Variants in GAL3ST3 observed in about 807,000 individuals in gnomAD.
GAL3ST3 encodes the protein beta-galactose-3-O-sulfotransferase 3.
Under a neutral mutation model 20.8 loss-of-function variants are expected in GAL3ST3, and 21 were observed. The observed-to-expected ratio is 1.01, with a 90% CI of 0.72 to 1.45. GAL3ST3 has a LOEUF of 1.45. GAL3ST3 is among the 40% of genes most tolerant of loss of function. The pLI is 0.00. For missense variants in GAL3ST3, 739 were observed against 662.7 expected, an observed-to-expected ratio of 1.12 and a Z score of -1.26; for synonymous variants, 355 against 307.2, an observed-to-expected ratio of 1.16 and a Z score of -1.63.
intron 2 of GAL3ST3, among the ~76,000 whole-genome samples, chr11:66,044,587 C>G (rs969360151): frequency 1.3e-5 from 2 of 152,202 alleles, no homozygotes; most frequent in African/African-American, 2.4e-5. Context: ...CTTGAGGCTT[C>G]TAAAGCCTCA....
In GAL3ST3 at chr11:66,042,869, C is replaced by A; in HGVS notation, c.934G>T (p.Ala312Ser). The A allele has an allele frequency of 8.6e-7, 1 of 1,168,784 alleles. No individual in the cohort carries two copies. Among genetic ancestry groups the A allele is most frequent in the Non-Finnish European group, 1.1e-6 (1 of 941,878 alleles). 72.4% of individuals were successfully genotyped at this position (1,168,784 alleles called of 1,614,324 possible). Residue 312 changes from alanine to serine, a missense_variant, in exon 3 of 3, where the codon GCG becomes TCG. Ala to Ser is a moderately conservative substitution (Grantham distance 99). Coordinates refer to ENST00000312006, the MANE Select transcript of GAL3ST3 (RefSeq NM_033036.3). ...TCGCGCTCCACGCACGCGCGGCCCG[C>A]GCGCGCCACGTGGCGCCAGAAGGTG... is the stretch of plus-strand genomic sequence containing the variant. ...NATFWRHVAR[A>S]GRACVEREAR...
Position 66,042,642 on chromosome 11 carries a change from G to C in GAL3ST3, c.1161C>G (p.Pro387=). Residue 387 remains proline (P), a synonymous_variant, in exon 3 of 3, where the codon CCC becomes CCG. Transcript: ENST00000312006. ...ACAGGTAGTTCGAGTACTGGACCTC[G>C]GGCATGGCCAGCTTGAGGCAGGCCT... ...ATEACLKLAM[P]EVQYSNYLLR... is the part of the protein sequence containing the mutation. The C allele has an allele frequency of 2.0e-6, 3 of 1,535,870 alleles. No individual in the cohort carries two copies. The highest frequency in any genetic ancestry group is 2.6e-6 in the Non-Finnish European group (3 of 1,146,698).
intron 2 of GAL3ST3, 58 bp downstream of exon 2, chr11:66,045,233 T>TA: frequency 7.0e-7 from 1 of 1,421,736 alleles, no homozygotes; most frequent in Non-Finnish European, 9.3e-7. Context: ...AGGACCCTTC[T>TA]AGCAGGTGGA....
chr11:66,041,989 C>G lies in GAL3ST3; in HGVS notation c.*518G>C, dbSNP rs1049378915. On this transcript the variant is annotated 3_prime_UTR_variant, in exon 3 of 3. Coordinates refer to ENST00000312006, the MANE Select transcript of GAL3ST3 (RefSeq NM_033036.3). ...ATGTTTTATTAAAAAAAAGAAAAAC[C>G]AACCAAACAAAAATCCCAACCCAAG... 2 of 152,714 alleles carry G rather than the reference C, an allele frequency of 1.3e-5. No homozygotes were observed. The highest frequency in any genetic ancestry group is 2.9e-5 in the Non-Finnish European group (2 of 68,200). The allele number at this position is 152,714 out of a possible 1,614,324, so 9.5% of individuals were successfully genotyped here.
intron 1 of GAL3ST3, among the ~76,000 whole-genome samples, chr11:66,047,698 A>AG (rs1856796170): frequency 6.6e-6 from 1 of 152,196 alleles, no homozygotes; most frequent in Non-Finnish European, 1.5e-5. Context: ...AGCAACTTAC[A>AG]GCTTGTTCAG....
chr11:66,048,720 C>T (rs1170464557), intron 1 of GAL3ST3, among the ~76,000 whole-genome samples: 1 of 149,974 alleles, frequency 6.7e-6, no homozygotes, highest in Non-Finnish European at 1.5e-5. Flanking sequence ...CTTGGAATTC[C>T]CTCCATCCTC....
chr11:66,046,179 A>G (rs998312518), intron 1 of GAL3ST3, among the ~76,000 whole-genome samples: 11 of 152,212 alleles, frequency 7.2e-5, no homozygotes, highest in African/African-American at 2.7e-4. Flanking sequence ...AGCTGGTAAC[A>G]GTAGAAATGA....
Position 66,042,204 on chromosome 11 carries a change from C to G in GAL3ST3, c.*303G>C, listed in dbSNP as rs1856711903. The G allele has an allele frequency of 3.3e-6, 1 of 306,538 alleles. No individual in the cohort carries two copies. The highest frequency in any genetic ancestry group is 6.0e-6 in the Non-Finnish European group (1 of 167,476). The allele number at this position is 306,538 out of a possible 1,614,324, so 19.0% of individuals were successfully genotyped here. A position where few individuals can be genotyped will look rare whatever the true frequency, so the allele number is the denominator to read the frequency against. ...AAGACAGGTTGTGGGGGCTCAGCCC[C>G]CAGAAAAAGGCAGGGTGAGCAGTTC... On this transcript the variant is annotated 3_prime_UTR_variant, in exon 3 of 3. Transcript: ENST00000312006.
chr11:66,044,552 T>G (rs956965563), intron 2 of GAL3ST3, among the ~76,000 whole-genome samples: 10 of 152,250 alleles, frequency 6.6e-5, no homozygotes, highest in African/African-American at 2.2e-4. Flanking sequence ...CACTGGGCTT[T>G]GCAGCAACCC....
rs200909357 is a variant in GAL3ST3 at position 66,042,596 on chromosome 11, C to T, written c.1207G>A (p.Gly403Ser). 8 of 1,536,806 alleles carry T rather than the reference C, an allele frequency of 5.2e-6. No homozygotes were observed. In the East Asian group the frequency reaches 1.2e-4, roughly 23 times the overall value. ...NYLLRKQKRR[G>S]GARARPEPVL... Reference sequence around the variant, plus strand: ...GGCTCGGGCCGAGCCCGCGCACCGCCCCGGCGCTTCTGCTTGCGCAACAGG... The same window carrying T: ...GGCTCGGGCCGAGCCCGCGCACCGCTCCGGCGCTTCTGCTTGCGCAACAGG... Residue 403 changes from glycine (G) to serine (S), a missense_variant, in exon 3 of 3, where the codon GGC becomes AGC. Gly to Ser is a moderately conservative substitution (Grantham distance 56, BLOSUM62 0). Transcript: ENST00000312006.
rs1484117765 is a variant in GAL3ST3, at chr11:66,042,940, C to CGCGCCGCCCGCGCCA, written c.848_862dup (p.Leu283_Ala287dup). On this transcript the variant is annotated inframe_insertion, in exon 3 of 3. Transcript: ENST00000312006. ...GCCGGCGTCCAGGGCGTTCCAGGTG[C>CGCGCCGCCCGCGCCA]GCGCCGCCCGCGCCAGCGCCGCGGG... 4.9e-6 allele frequency: 6 copies of CGCGCCGCCCGCGCCA among 1,235,800 alleles called. No individual in the cohort carries two copies. Among genetic ancestry groups the CGCGCCGCCCGCGCCA allele is most frequent in the Non-Finnish European group, 6.1e-6 (6 of 982,826 alleles). 76.6% of individuals were successfully genotyped at this position (1,235,800 alleles called of 1,614,324 possible).
In GAL3ST3 at chr11:66,042,242, A is replaced by G; in HGVS notation, c.*265T>C. ...GGGTGAGCAGTTCTGGACAGCCCTC[A>G]GGCCTCTTGTCAAAATCACCAACCA... On this transcript the variant is annotated 3_prime_UTR_variant, in exon 3 of 3. Coordinates refer to ENST00000312006, the MANE Select transcript of GAL3ST3 (RefSeq NM_033036.3). 2.2e-6 allele frequency: 1 copy of G among 447,576 alleles called. No individual in the cohort carries two copies. The allele number at this position is 447,576 out of a possible 1,614,324, so 27.7% of individuals were successfully genotyped here. A position where few individuals can be genotyped will look rare whatever the true frequency, so the allele number is the denominator to read the frequency against.
rs1409514769 is a variant in GAL3ST3 at position 66,042,828 on chromosome 11, G to A, written c.975C>T (p.Arg325=). The A allele has an allele frequency of 2.2e-5, 30 of 1,369,926 alleles. No individual in the cohort carries two copies. Among genetic ancestry groups the A allele is most frequent in the African/African-American group, 4.7e-5 (3 of 63,870 alleles). 84.9% of individuals were successfully genotyped at this position (1,369,926 alleles called of 1,614,324 possible). A position where few individuals can be genotyped will look rare whatever the true frequency, so the allele number is the denominator to read the frequency against. ...GCCGCAGTAGGCGCTGGCGGGCCTC[G>A]CGCAGCTCGCGCGCCTCGCGCTCCA... ...ACVEREAREL[R]EARQRLLRRC... is the part of the protein sequence containing the mutation. The change falls in exon 3 of 3, where the codon CGC becomes CGT. Residue 325 remains arginine, a synonymous_variant. Transcript: ENST00000312006.
Position 66,043,183 on chromosome 11 carries a change from T to C in GAL3ST3, c.620A>G (p.Tyr207Cys), listed in dbSNP as rs2135019102. Residue 207 changes from tyrosine (Y) to cysteine (C), a missense_variant, in exon 3 of 3, where the codon TAC (tyrosine) becomes TGC (cysteine). By Grantham distance (194) the Tyr-to-Cys change is radical. Coordinates refer to ENST00000312006, the MANE Select transcript of GAL3ST3 (RefSeq NM_033036.3). ...GCGCTCATTGTCGCCGCCCAGGTCGTAGGCCAGCGTGTTGTGTGCGAACAT... is the reference window on the plus strand; with the variant it reads ...GCGCTCATTGTCGCCGCCCAGGTCGCAGGCCAGCGTGTTGTGTGCGAACAT... ...FAMFAHNTLAYDLGGDNERSP... is the reference protein window; with the variant it reads ...FAMFAHNTLACDLGGDNERSP... 2 of 1,612,084 alleles carry C rather than the reference T, an allele frequency of 1.2e-6. No homozygotes were observed. Among genetic ancestry groups the C allele is most frequent in the East Asian group, 2.2e-5 (1 of 44,808 alleles).
rs965744419 is a variant in GAL3ST3 at position 66,043,745 on chromosome 11, C to A, written c.126-68G>T. 8 of 1,401,118 alleles carry A rather than the reference C, an allele frequency of 5.7e-6. No homozygotes were observed. The African/African-American group carries it at 9.9e-5, about 17-fold the overall frequency. 86.8% of individuals were successfully genotyped at this position (1,401,118 alleles called of 1,614,324 possible). On this transcript the variant is annotated intron_variant, in intron 2 of 2. Coordinates refer to ENST00000312006, the MANE Select transcript of GAL3ST3 (RefSeq NM_033036.3). ...GCTGCCGCTTGACCCCTGCCCTTAC[C>A]CAAGGACTGTGGGATGCCCCACAGC...
rs1856811058 is a variant in GAL3ST3, at chr11:66,049,090, C to T, written c.-192G>A. 1 of 152,494 alleles carries T rather than the reference C, an allele frequency of 6.6e-6. No individual in the cohort carries two copies. Among genetic ancestry groups the T allele is most frequent in the Admixed American group, 6.5e-5 (1 of 15,286 alleles). The allele number at this position is 152,494 out of a possible 1,614,324, so 9.4% of individuals were successfully genotyped here. On this transcript the variant is annotated 5_prime_UTR_variant, in exon 1 of 3. It adds an upstream start codon to the 5' untranslated region. Coordinates refer to ENST00000312006, the MANE Select transcript of GAL3ST3 (RefSeq NM_033036.3). ...CTGGACCCTTGTCTCGAAATCCGCA[C>T]GGGGTCCGAGGGTGCCCGGGGCCCT...
Position 66,042,660 on chromosome 11 carries a change from G to A in GAL3ST3, c.1143C>T (p.Cys381=). 1 of 1,534,946 alleles carries A rather than the reference G, an allele frequency of 6.5e-7. No individual in the cohort carries two copies. Among genetic ancestry groups the A allele is most frequent in the South Asian group, 1.2e-5 (1 of 84,006 alleles). ...GGACCTCGGGCATGGCCAGCTTGAG[G>A]CAGGCCTCGGTGGCCGGGCCGGCGC... ...GGGAGPATEA[C]LKLAMPEVQY... The change falls in exon 3 of 3, where the codon TGC becomes TGT. Residue 381 remains cysteine, a synonymous_variant. Transcript: ENST00000312006.
chr11:66,042,630 G>A lies in GAL3ST3; in HGVS notation c.1173C>T (p.Tyr391=), dbSNP rs1856719603. ...CLKLAMPEVQ[Y]SNYLLRKQKR... Reference sequence around the variant, plus strand: ...TCTGCTTGCGCAACAGGTAGTTCGAGTACTGGACCTCGGGCATGGCCAGCT... The same window carrying A: ...TCTGCTTGCGCAACAGGTAGTTCGAATACTGGACCTCGGGCATGGCCAGCT... The change falls in exon 3 of 3, where the codon TAC becomes TAT. Residue 391 remains tyrosine (Y), a synonymous_variant. Transcript: ENST00000312006. The A allele has an allele frequency of 2.0e-6, 3 of 1,536,752 alleles. No homozygotes were observed. The highest frequency in any genetic ancestry group is 2.0e-5 in the Admixed American group (1 of 50,972).
At position 66,045,472 on chromosome 11, in the gene GAL3ST3, A is replaced by G; in HGVS notation, c.-57T>C. 6.7e-7 allele frequency: 1 copy of G among 1,488,126 alleles called. No homozygotes were observed. The highest frequency in any genetic ancestry group is 9.0e-7 in the Non-Finnish European group (1 of 1,114,724). The allele number at this position is 1,488,126 out of a possible 1,614,324, so 92.2% of individuals were successfully genotyped here. A position where few individuals can be genotyped will look rare whatever the true frequency, so the allele number is the denominator to read the frequency against. ...CCTCACTATCCAGGACTCCCTTCACAGGCACTCATGGGGGATCCTGCGGCT... is the reference window on the plus strand; with the variant it reads ...CCTCACTATCCAGGACTCCCTTCACGGGCACTCATGGGGGATCCTGCGGCT... On this transcript the variant is annotated 5_prime_UTR_variant, in exon 2 of 3. Transcript: ENST00000312006.
Sources: allele counts gnomAD v4.1 joint callset (sites outside exome capture counted in the v4.1 genomes callset), GRCh38; gene constraint gnomAD v4.1.1; transcripts MANE v1.5; gene names NCBI Gene and HGNC (gene_info 2026-07-23, HGNC 2026-07-21).